The following GAB2 variants were observed in gnomAD, a reference collection of about 807,000 sequenced individuals.
The protein encoded by GAB2 is GRB2 associated binding protein 2, also known as GRB2-associated-binding protein 2.
GAB2 carries 26 observed loss-of-function variants against 65.5 expected under a neutral mutation model. The observed-to-expected ratio is 0.40, with a 90% confidence interval of 0.29 to 0.55. The LOEUF is 0.55. Among genes scored for constraint, GAB2 ranks in the 20% least tolerant of loss-of-function variants. GAB2 has a pLI of 0.53. For synonymous variants in GAB2, 321 were observed against 329.6 expected, an observed-to-expected ratio of 0.97 and a Z score of 0.28; for missense variants, 884 against 875.8, an observed-to-expected ratio of 1.01 and a Z score of -0.12.
chr11:78,249,091 A>G (rs114335977), intron 3 of GAB2, among the ~76,000 whole-genome samples: 2,058 of 152,330 alleles, frequency 0.014, 48 homozygotes, highest in African/African-American at 0.047. Flanking sequence ...GATGACTCAG[A>G]AAAACAAAAG....
chr11:78,229,946 T>C (rs1864791905), intron 3 of GAB2, among the ~76,000 whole-genome samples: 1 of 152,224 alleles, frequency 6.6e-6, no homozygotes, highest in South Asian at 2.1e-4. Flanking sequence ...CTCTAAGCAT[T>C]GCTTAACTTA....
intron 3 of GAB2, among the ~76,000 whole-genome samples, chr11:78,242,038 T>C (rs2134506548): frequency 6.6e-6 from 1 of 152,360 alleles, no homozygotes; most frequent in East Asian, 1.9e-4. Context: ...ACAGACCTCA[T>C]GTTAGGCCAA....
At chr11:78,352,847 A>G (rs1228006976) in intron 1 of GAB2, among the ~76,000 whole-genome samples, 2 of 152,180 alleles carry the variant, frequency 1.3e-5, no homozygotes, top group East Asian at 3.8e-4. Flanking sequence ...AGTCCTTGTG[A>G]TTTAAGTCAC....
chr11:78,346,639 CAGAGAGGT>C (rs2134697890), intron 1 of GAB2, among the ~76,000 whole-genome samples: 1 of 127,534 alleles, frequency 7.8e-6, no homozygotes, highest in African/African-American at 3.0e-5. Flanking sequence ...GAAGCAAGAA[CAGAGAGGT>C]ATGGGCTGTT....
chr11:78,284,782 C>T (rs982891657), intron 1 of GAB2, among the ~76,000 whole-genome samples: 3 of 152,106 alleles, frequency 2.0e-5, no homozygotes, highest in Non-Finnish European at 4.4e-5. Context: ...CACCCACCTC[C>T]CAGAAAGTAA....
intron 1 of GAB2, among the ~76,000 whole-genome samples, chr11:78,318,580 G>A (rs559343760): frequency 3.9e-5 from 6 of 152,096 alleles, no homozygotes; most frequent in African/African-American, 1.2e-4. Context: ...TGGCAGTAGG[G>A]AAGGAGAGGA....
intron 1 of GAB2, among the ~76,000 whole-genome samples, chr11:78,300,685 GTTTTTTTTT>G (rs1866982821): frequency 8.3e-6 from 1 of 120,686 alleles, no homozygotes; most frequent in African/African-American, 3.5e-5. Flanking sequence ...TTTTTTTTTG[GTTTTTTTTT>G]GTTTTTTTTT....
rs1491056428 is a variant in GAB2 at position 78,288,397 on chromosome 11, AAG to A, written c.76-7498_76-7497del. ...CCATCTCAAAGAAAAAAAAAAAAAA[AAG>A]AAGAAGAAGAAGAAGAAAGAAAAAG... On this transcript the variant is annotated intron_variant, in intron 1 of 9. Coordinates refer to ENST00000361507, the MANE Select transcript of GAB2 (RefSeq NM_080491.3). Among the ~76,000 whole-genome samples, 888 of 110,424 alleles carry A rather than the reference AAG, an allele frequency of 8.0e-3. 7 individuals carry two copies. Among genetic ancestry groups the A allele is most frequent in the Non-Finnish European group, 0.013 (656 of 50,302 alleles). 72.4% of individuals were successfully genotyped at this position (110,424 alleles called of 152,430 possible). A position where few individuals can be genotyped will look rare whatever the true frequency, so the allele number is the denominator to read the frequency against.
chr11:78,385,757 A>G (rs1309030938), intron 1 of GAB2, among the ~76,000 whole-genome samples: 2 of 152,200 alleles, frequency 1.3e-5, no homozygotes, highest in Non-Finnish European at 2.9e-5. Flanking sequence ...TACCATGTAG[A>G]GATTGATTTT....
intron 1 of GAB2, among the ~76,000 whole-genome samples, chr11:78,408,292 G>A (rs1857080999): frequency 6.6e-6 from 1 of 152,132 alleles, no homozygotes; most frequent in Non-Finnish European, 1.5e-5. Flanking sequence ...ACTTAAACTT[G>A]TAAAATGATG....
At chr11:78,266,434 G>A (rs191557058) in intron 2 of GAB2, among the ~76,000 whole-genome samples, 26 of 151,898 alleles carry the variant, frequency 1.7e-4, no homozygotes, top group African/African-American at 5.6e-4. Flanking sequence ...AGCAGCCCAG[G>A]CACAAAAGAA....
At chr11:78,369,824 G>A (rs1001870650) in intron 1 of GAB2, among the ~76,000 whole-genome samples, 3 of 152,118 alleles carry the variant, frequency 2.0e-5, no homozygotes, top group African/African-American at 7.2e-5. Context: ...CTTCATGAGC[G>A]CCCCCAGAAC....
In GAB2 at chr11:78,221,679, T is replaced by C. The variant is rs147686701; in HGVS notation, c.1759A>G (p.Met587Val). 53 of 1,604,720 alleles carry C rather than the reference T, an allele frequency of 3.3e-5. No homozygotes were observed. In the African/African-American group the frequency reaches 5.8e-4, roughly 17 times the overall value. Residue 587 changes from methionine (M) to valine (V), a missense_variant and splice_region_variant, in exon 8 of 10, where the codon ATG (methionine) becomes GTG (valine). By Grantham distance (21) the Met-to-Val change is conservative. Coordinates refer to ENST00000361507, the MANE Select transcript of GAB2 (RefSeq NM_080491.3). ...SGDSEENYVP[M>V]QNPVSASPVP... ...CCAGCGAAGCCCGAAGGACTCACCA[T>C]AGGGACATAGTTCTCTTCGCTGTCT... is the stretch of plus-strand genomic sequence containing the variant.
At chr11:78,222,326 C>T (rs143075908) in intron 6 of GAB2, 131 bp from the exon 7 acceptor site, 16 of 651,048 alleles carry the variant, frequency 2.5e-5, no homozygotes, top group Non-Finnish European at 3.7e-5. Flanking sequence ...GGGAAACTGA[C>T]GCTCAGCGAG....
Position 78,216,619 on chromosome 11 carries a change from A to G in GAB2, c.*2653T>C, listed in dbSNP as rs1185221345. 2 of 150,126 alleles carry G rather than the reference A, an allele frequency of 1.3e-5. No homozygotes were observed. Among genetic ancestry groups the G allele is most frequent in the African/African-American group, 5.0e-5 (2 of 39,680 alleles). 9.3% of individuals were successfully genotyped at this position (150,126 alleles called of 1,614,324 possible). A position where few individuals can be genotyped will look rare whatever the true frequency, so the allele number is the denominator to read the frequency against. Reference sequence around the variant, plus strand: ...AGGAAGCCTCCTGGTAGTTACCAGAATAGGGGGCTGGAAGGAAGCCTCCTG... The same window carrying G: ...AGGAAGCCTCCTGGTAGTTACCAGAGTAGGGGGCTGGAAGGAAGCCTCCTG... On this transcript the variant is annotated 3_prime_UTR_variant, in exon 10 of 10. Transcript: ENST00000361507.
chr11:78,262,472 C>A (rs1865759776), intron 2 of GAB2, among the ~76,000 whole-genome samples: 1 of 152,152 alleles, frequency 6.6e-6, no homozygotes, highest in African/African-American at 2.4e-5. Flanking sequence ...ACTCTGTGTT[C>A]CCAGACCTTC....
chr11:78,286,412 C>G (rs1051717676), intron 1 of GAB2, among the ~76,000 whole-genome samples: 2 of 152,016 alleles, frequency 1.3e-5, no homozygotes, highest in Admixed American at 1.3e-4. Context: ...TTACCCCACG[C>G]TGGCATTTCT....
intron 1 of GAB2, among the ~76,000 whole-genome samples, chr11:78,282,309 ATTT>A: frequency 6.9e-6 from 1 of 145,640 alleles, no homozygotes; most frequent in African/African-American, 2.5e-5. Flanking sequence ...GGCTGTGTGA[ATTT>A]TTTTTTTTTT....
At chr11:78,395,204 A>G (rs1856881099) in intron 1 of GAB2, among the ~76,000 whole-genome samples, 1 of 152,254 alleles carries the variant, frequency 6.6e-6, no homozygotes, top group African/African-American at 2.4e-5. Context: ...CTGTAATCCC[A>G]GCACTTTGGG....
Sources: gnomAD v4.1 joint callset for allele counts (sites outside exome capture counted in the v4.1 genomes callset) on GRCh38, gnomAD v4.1.1 for gene constraint, MANE v1.5 for transcripts, NCBI Gene and HGNC (gene_info 2026-07-23, HGNC 2026-07-21) for gene names.